Variants in CDKN2B-AS1 observed in about 807,000 individuals in gnomAD.
The protein encoded by CDKN2B-AS1 is CDKN2B antisense RNA 1 (non-protein coding).
chr9:22,054,936 G>T (rs1302427947), intron 3 of CDKN2B-AS1, among the ~76,000 whole-genome samples: 1 of 151,824 alleles, frequency 6.6e-6, no homozygotes, highest in African/African-American at 2.4e-5. Context: ...ATTTTTAGTA[G>T]AGATGGGGTT....
At chr9:22,082,631 C>G (rs1824737224) in intron 4 of CDKN2B-AS1, among the ~76,000 whole-genome samples, 1 of 152,278 alleles carries the variant, frequency 6.6e-6, no homozygotes, top group South Asian at 2.1e-4. Context: ...TAAGTACTGG[C>G]TAGGAAATAG....
intron 4 of CDKN2B-AS1, among the ~76,000 whole-genome samples, chr9:22,082,280 C>A (rs1411467597): frequency 1.3e-5 from 2 of 152,192 alleles, no homozygotes; most frequent in East Asian, 1.9e-4. Flanking sequence ...TTGTCATCAC[C>A]CTCATTATTG....
intron 4 of CDKN2B-AS1, among the ~76,000 whole-genome samples, chr9:22,070,575 AGGATAG>A (rs1321462563): frequency 1.3e-5 from 2 of 152,134 alleles, no homozygotes; most frequent in African/African-American, 4.8e-5. Context: ...GAGACAAGGA[AGGATAG>A]GGCGTCCTGG....
chr9:22,043,014 T>C (rs1822960780), intron 1 of CDKN2B-AS1, among the ~76,000 whole-genome samples: 1 of 152,116 alleles, frequency 6.6e-6, no homozygotes, highest in African/African-American at 2.4e-5. Context: ...GCAGGAATTG[T>C]AATTCTATCT....
At chr9:22,062,044 A>G (rs1330785465) in intron 4 of CDKN2B-AS1, 1 of 152,180 alleles carries the variant, frequency 6.6e-6, no homozygotes, top group African/African-American at 2.4e-5. Context: ...ATTTTGGAAC[A>G]ATTTTTTAGA....
intron 1 of CDKN2B-AS1, among the ~76,000 whole-genome samples, chr9:22,022,314 A>T (rs140474635): frequency 6.6e-6 from 1 of 152,088 alleles, no homozygotes; most frequent in African/African-American, 2.4e-5. Flanking sequence ...CTGTAAGAAC[A>T]TGATTATGAA....
intron 4 of CDKN2B-AS1, among the ~76,000 whole-genome samples, chr9:22,096,154 G>C (rs1825268804): frequency 6.6e-6 from 1 of 152,188 alleles, no homozygotes; most frequent in African/African-American, 2.4e-5. Flanking sequence ...GTGCATCTGG[G>C]AAAGCTATAC....
chr9:22,034,584 T>C (rs568383707), intron 1 of CDKN2B-AS1, among the ~76,000 whole-genome samples: 1 of 152,296 alleles, frequency 6.6e-6, no homozygotes, highest in South Asian at 2.1e-4. Context: ...TTGATGACAA[T>C]TAACTCCCAT....
At chr9:22,116,280 G>A (rs1825948091) in intron 4 of CDKN2B-AS1, among the ~76,000 whole-genome samples, 1 of 152,146 alleles carries the variant, frequency 6.6e-6, no homozygotes, top group African/African-American at 2.4e-5. Context: ...AGTTTGAGTA[G>A]GTATGGAGAT....
In CDKN2B-AS1 at chr9:22,113,680, C is replaced by T. The variant is rs554997807; in HGVS notation, n.439-13423C>T. ...TTGCCTCACAGGATCTTAACATAGA[C>T]GTAAGATCAAATGCAATAGCATGTC... On this transcript the variant is annotated intron_variant and non_coding_transcript_variant, in intron 4 of 4. Transcript: ENST00000650946. The T allele has an allele frequency of 4.6e-5, 7 of 152,158 alleles. No individual in the cohort carries two copies. The East Asian group carries it at 1.4e-3, about 29-fold the overall frequency. 9.4% of individuals were successfully genotyped at this position (152,158 alleles called of 1,614,324 possible).
intron 1 of CDKN2B-AS1, among the ~76,000 whole-genome samples, chr9:22,015,869 G>A (rs926729617): frequency 6.6e-6 from 1 of 152,062 alleles, no homozygotes; most frequent in Admixed American, 6.6e-5. Context: ...TTTTTCATGT[G>A]TCTTTTGGCT....
intron 3 of CDKN2B-AS1, among the ~76,000 whole-genome samples, chr9:22,054,700 TA>T (rs1278566442): frequency 4.9e-4 from 74 of 150,402 alleles, no homozygotes; most frequent in African/African-American, 1.7e-3. Context: ...ATTTTTTATT[TA>T]TTTTTTTAAA....
intron 4 of CDKN2B-AS1, among the ~76,000 whole-genome samples, chr9:22,121,378 A>G (rs1466623839): frequency 6.6e-6 from 1 of 151,432 alleles, no homozygotes; most frequent in African/African-American, 2.4e-5. Context: ...ACTAAAAAAA[A>G]ACTGTACAAA....
intron 4 of CDKN2B-AS1, among the ~76,000 whole-genome samples, chr9:22,071,293 T>C (rs1431193076): frequency 0.04 from 911 of 22,824 alleles, 20 homozygotes; most frequent in African/African-American, 0.1. Flanking sequence ...AGCTTTTTTT[T>C]TTTTTTTTTT....
chr9:22,090,684 T>C (rs7019916), intron 4 of CDKN2B-AS1, among the ~76,000 whole-genome samples: 11,753 of 152,210 alleles, frequency 0.077, 1,499 homozygotes, highest in African/African-American at 0.27. Context: ...TGTTTTTTTT[T>C]CTTGTAAATT....
chr9:22,034,173 C>G (rs960143301), intron 1 of CDKN2B-AS1, among the ~76,000 whole-genome samples: 1 of 152,138 alleles, frequency 6.6e-6, no homozygotes, highest in Non-Finnish European at 1.5e-5. Context: ...TTACCTGGTT[C>G]TCAATTGGTT....
intron 4 of CDKN2B-AS1, among the ~76,000 whole-genome samples, chr9:22,088,112 G>C (rs1587513292): frequency 1.3e-5 from 2 of 152,182 alleles, no homozygotes; most frequent in East Asian, 3.9e-4. Flanking sequence ...AAATCATCTG[G>C]TGTGCTCTGT....
intron 4 of CDKN2B-AS1, among the ~76,000 whole-genome samples, chr9:22,090,302 C>A (rs10757273): frequency 0.47 from 70,802 of 151,872 alleles, 16,730 homozygotes; most frequent in East Asian, 0.66. Flanking sequence ...GTGCATGTGT[C>A]TTTATAGCAG....
rs932982615 is a variant in CDKN2B-AS1 at position 22,089,694 on chromosome 9, C to T, written n.438+33307C>T. Among the ~76,000 whole-genome samples, 4 of 152,098 alleles carry T rather than the reference C, an allele frequency of 2.6e-5. No homozygotes were observed. In the East Asian group the frequency reaches 7.7e-4, roughly 29 times the overall value. On this transcript the variant is annotated intron_variant and non_coding_transcript_variant, in intron 4 of 4. Coordinates refer to ENST00000650946, the Ensembl canonical transcript of CDKN2B-AS1. Reference sequence around the variant, plus strand: ...TGAACTCCTGGGCTCAAGTGATCCTCCTACCTCAGCCTCCCAAAGTGCTGG... The same window carrying T: ...TGAACTCCTGGGCTCAAGTGATCCTTCTACCTCAGCCTCCCAAAGTGCTGG...
Sources: allele counts gnomAD v4.1 joint callset (sites outside exome capture counted in the v4.1 genomes callset), GRCh38; gene constraint gnomAD v4.1.1; transcripts MANE v1.5; gene names NCBI Gene and HGNC (gene_info 2026-07-23, HGNC 2026-07-21).